The following SMIM13 variants were observed in gnomAD, a reference collection of about 807,000 sequenced individuals.
SMIM13 encodes UPF0766 protein C6orf228.
A neutral mutation model predicts 5.9 loss-of-function variants in SMIM13; 3 were observed. The ratio of observed to expected loss-of-function variants is 0.51; its 90% CI spans 0.23 to 1.31. The LOEUF is 1.31. Among genes scored for constraint, SMIM13 ranks in the 40% most tolerant of loss-of-function variants. SMIM13 has a pLI of 0.18. For missense variants in SMIM13, 85 were observed against 109.9 expected, an observed-to-expected ratio of 0.77 and a Z score of 1.01; for synonymous variants, 55 against 46.0, an observed-to-expected ratio of 1.19 and a Z score of -0.79.
At chr6:11,132,841 C>T (rs1758468405) in intron 1 of SMIM13, among the ~76,000 whole-genome samples, 1 of 152,062 alleles carries the variant, frequency 6.6e-6, no homozygotes, top group African/African-American at 2.4e-5. Context: ...TTTTGGACTT[C>T]AGTAGTGGTG....
Position 11,094,299 on chromosome 6 carries a change from C to A in SMIM13, c.-15C>A, listed in dbSNP as rs1561749050. ...GCGCCAGCCGCCCCGAGCCGACTGC[C>A]CTTCTGCCCCCAAGATGTGGCACAG... On this transcript the variant is annotated 5_prime_UTR_variant, in exon 1 of 2. Coordinates refer to ENST00000416247, the MANE Select transcript of SMIM13 (RefSeq NM_001135575.2). The A allele has an allele frequency of 2.1e-6, 3 of 1,445,704 alleles. No individual in the cohort carries two copies. Among genetic ancestry groups the A allele is most frequent in the Admixed American group, 2.1e-5 (1 of 46,766 alleles). 89.6% of individuals were successfully genotyped at this position (1,445,704 alleles called of 1,614,324 possible). A position where few individuals can be genotyped will look rare whatever the true frequency, so the allele number is the denominator to read the frequency against.
At chr6:11,095,679 C>G (rs1757914603) in intron 1 of SMIM13, among the ~76,000 whole-genome samples, 1 of 152,192 alleles carries the variant, frequency 6.6e-6, no homozygotes, top group Non-Finnish European at 1.5e-5. Flanking sequence ...ATTTGTTGTG[C>G]TTTTCTGTAA....
intron 1 of SMIM13, among the ~76,000 whole-genome samples, chr6:11,096,003 C>T (rs910571943): frequency 1.3e-5 from 2 of 152,208 alleles, no homozygotes; most frequent in African/African-American, 4.8e-5. Flanking sequence ...ACCTTTATGG[C>T]TTCAGAAATC....
rs368443490 is a variant in SMIM13 at position 11,099,667 on chromosome 6, A to G, written c.76+5278A>G. 4.6e-5 allele frequency among the ~76,000 whole-genome samples: 7 copies of G among 152,252 alleles called. No individual in the cohort carries two copies. The East Asian group carries it at 1.2e-3, about 25-fold the overall frequency. ...CTGCAGAATACCCAAGCTCCTACAA[A>G]TGAAACACCTGATATGCCCAATGGA... is the stretch of plus-strand genomic sequence containing the variant. On this transcript the variant is annotated intron_variant, in intron 1 of 1. Transcript: ENST00000416247.
rs1758510088 is a variant in SMIM13 at position 11,135,764 on chromosome 6, C to T, written c.*1162C>T. On this transcript the variant is annotated 3_prime_UTR_variant, in exon 2 of 2. Transcript: ENST00000416247. ...TGCACAAGATTGATGTGATAAAAAT[C>T]TGTTTAACTCAAAGCGCTGTTTCAA... is the stretch of plus-strand genomic sequence containing the variant. The T allele has an allele frequency of 1.3e-5, 2 of 152,300 alleles. No individual in the cohort carries two copies. The highest frequency in any genetic ancestry group is 2.9e-5 in the Non-Finnish European group (2 of 68,022). The allele number at this position is 152,300 out of a possible 1,614,324, so 9.4% of individuals were successfully genotyped here.
chr6:11,115,162 T>C (rs1356258124), intron 1 of SMIM13, among the ~76,000 whole-genome samples: 2 of 152,204 alleles, frequency 1.3e-5, no homozygotes, highest in Non-Finnish European at 2.9e-5. Context: ...TTCCTGTCTC[T>C]TTGGATTTTT....
At chr6:11,120,991 A>G (rs1758300653) in intron 1 of SMIM13, among the ~76,000 whole-genome samples, 1 of 152,238 alleles carries the variant, frequency 6.6e-6, no homozygotes, top group Non-Finnish European at 1.5e-5. Flanking sequence ...TGTTTATCTT[A>G]CATAGAAAAC....
chr6:11,128,932 C>T (rs1758414651), intron 1 of SMIM13, among the ~76,000 whole-genome samples: 1 of 152,092 alleles, frequency 6.6e-6, no homozygotes, highest in Non-Finnish European at 1.5e-5. Flanking sequence ...GTAGGCATTT[C>T]AAGACTATCT....
chr6:11,132,359 T>C (rs1758461520), intron 1 of SMIM13, among the ~76,000 whole-genome samples: 1 of 152,178 alleles, frequency 6.6e-6, no homozygotes, highest in Non-Finnish European at 1.5e-5. Context: ...GTTTCACAAG[T>C]GTTTAAACAC....
In SMIM13 at chr6:11,094,013, T is replaced by TG. The variant is rs1757886891; in HGVS notation, c.-298dup. ...AAGCGCATCCGACCGCTGGGGTCTC[T>TG]GGGTGCCGCGGCCTCGGCTCTCCGG... On this transcript the variant is annotated 5_prime_UTR_variant, in exon 1 of 2. The change abolishes the stop of an existing upstream ORF in the 5' untranslated region. Coordinates refer to ENST00000416247, the MANE Select transcript of SMIM13 (RefSeq NM_001135575.2). The TG allele has an allele frequency of 6.6e-6, 1 of 152,382 alleles. No homozygotes were observed. The highest frequency in any genetic ancestry group is 2.1e-4 in the South Asian group (1 of 4,834). The allele number at this position is 152,382 out of a possible 1,614,324, so 9.4% of individuals were successfully genotyped here. A position where few individuals can be genotyped will look rare whatever the true frequency, so the allele number is the denominator to read the frequency against.
At chr6:11,103,419 G>T in intron 1 of SMIM13, 1 of 418,128 alleles carries the variant, frequency 2.4e-6, no homozygotes. Context: ...CCCCTGCCCT[G>T]CTCATGTCTG....
At chr6:11,112,760 G>A (rs1758187087) in intron 1 of SMIM13, among the ~76,000 whole-genome samples, 1 of 152,046 alleles carries the variant, frequency 6.6e-6, no homozygotes, top group Non-Finnish European at 1.5e-5. Flanking sequence ...ACTCATTGAT[G>A]GACATGAGAG....
At chr6:11,114,016 G>T (rs1348975856) in intron 1 of SMIM13, among the ~76,000 whole-genome samples, 32 of 145,518 alleles carry the variant, frequency 2.2e-4, no homozygotes, top group Admixed American at 1.0e-3. Flanking sequence ...ATCTCACTCT[G>T]TCGCCCAGGC....
chr6:11,134,261 A>G (rs16870978), intron 1 of SMIM13, 142 bp from the exon 2 acceptor site: 14,219 of 536,068 alleles, frequency 0.027, 268 homozygotes, highest in South Asian at 0.055. Flanking sequence ...TGTACAAAAA[A>G]TGTTTGTTAT....
At chr6:11,125,589 C>T (rs563909810) in intron 1 of SMIM13, among the ~76,000 whole-genome samples, 181 of 152,198 alleles carry the variant, frequency 1.2e-3, no homozygotes, top group African/African-American at 4.0e-3. Context: ...GGTGACAGAG[C>T]GAGACCCCGT....
At chr6:11,126,501 A>G (rs1758379106) in intron 1 of SMIM13, among the ~76,000 whole-genome samples, 1 of 152,082 alleles carries the variant, frequency 6.6e-6, no homozygotes, top group Non-Finnish European at 1.5e-5. Flanking sequence ...AATTATTTCA[A>G]TCTTTTTGTT....
intron 1 of SMIM13, among the ~76,000 whole-genome samples, chr6:11,113,962 A>T (rs1192896191): frequency 2.0e-5 from 3 of 149,164 alleles, no homozygotes; most frequent in Non-Finnish European, 4.4e-5. Flanking sequence ...ATGACATATA[A>T]AGTTATTCTT....
At chr6:11,117,932 C>T (rs534599061) in intron 1 of SMIM13, among the ~76,000 whole-genome samples, 7 of 152,212 alleles carry the variant, frequency 4.6e-5, no homozygotes, top group African/African-American at 1.4e-4. Flanking sequence ...GATGGAGTTT[C>T]ACCATGTTGG....
intron 1 of SMIM13, among the ~76,000 whole-genome samples, chr6:11,124,431 A>G (rs1316067262): frequency 6.6e-6 from 1 of 152,198 alleles, no homozygotes; most frequent in Non-Finnish European, 1.5e-5. Flanking sequence ...AATCTTGACT[A>G]TTGTGAATAG....
Sources: gnomAD v4.1 joint callset for allele counts (sites outside exome capture counted in the v4.1 genomes callset) on GRCh38, gnomAD v4.1.1 for gene constraint, MANE v1.5 for transcripts, NCBI Gene and HGNC (gene_info 2026-07-23, HGNC 2026-07-21) for gene names.